The following VPS13B variants were observed in gnomAD, a reference collection of about 807,000 sequenced individuals.
VPS13B encodes the protein vacuolar protein sorting 13 homolog B.
VPS13B carries 285 observed loss-of-function variants against 426.4 expected under a neutral mutation model. The observed-to-expected ratio is 0.67, with a 90% confidence interval of 0.61 to 0.74. The LOEUF (loss-of-function observed/expected upper bound fraction) is 0.74. Among genes scored for constraint, VPS13B ranks in the 30% least tolerant of loss-of-function variants. VPS13B has a pLI of 0.00. For synonymous variants in VPS13B, 1,676 were observed against 1,676.4 expected (o/e 1.00, Z 0.01); for missense variants, 4,537 against 4,782.6 (o/e 0.95, Z 1.51).
chr8:99,717,412 A>G, intron 37 of VPS13B, 39 bp downstream of exon 37: 3 of 1,547,150 alleles, frequency 1.9e-6, no homozygotes, highest in Non-Finnish European at 2.7e-6. Context: ...ATAGGTTATT[A>G]ACTAGCCTCT....
chr8:99,611,980 C>G (rs558751812), intron 33 of VPS13B, among the ~76,000 whole-genome samples: 1 of 152,100 alleles, frequency 6.6e-6, no homozygotes, highest in Non-Finnish European at 1.5e-5. Context: ...TTAGCCCTCT[C>G]TATAACTCCA....
intron 25 of VPS13B, among the ~76,000 whole-genome samples, chr8:99,487,147 A>G (rs979633310): frequency 2.0e-5 from 3 of 151,832 alleles, no homozygotes; most frequent in African/African-American, 7.3e-5. Flanking sequence ...AAATCCATTC[A>G]TATTGTTCAC....
chr8:99,482,886 C>T (rs767556491), intron 25 of VPS13B, among the ~76,000 whole-genome samples: 11 of 152,064 alleles, frequency 7.2e-5, no homozygotes, highest in Admixed American at 2.0e-4. Context: ...GATACACAAA[C>T]ATTGAGTCAA....
chr8:99,612,443 T>C (rs1346871791), intron 33 of VPS13B, among the ~76,000 whole-genome samples: 1 of 152,218 alleles, frequency 6.6e-6, no homozygotes. Flanking sequence ...CTTACTACTA[T>C]GCCACAATAC....
chr8:99,314,416 G>T (rs1212141440), intron 19 of VPS13B, among the ~76,000 whole-genome samples: 1 of 152,090 alleles, frequency 6.6e-6, no homozygotes, highest in East Asian at 1.9e-4. Context: ...GAAATGTTCT[G>T]TAAATGTTTG....
At chr8:99,082,092 T>C (rs533258313) in intron 3 of VPS13B, among the ~76,000 whole-genome samples, 7 of 152,298 alleles carry the variant, frequency 4.6e-5, no homozygotes, top group Non-Finnish European at 1.0e-4. Context: ...TGTAAAAGTG[T>C]TCCTGTTTCT....
chr8:99,634,344 C>T (rs1300080392), intron 33 of VPS13B, among the ~76,000 whole-genome samples: 1 of 151,980 alleles, frequency 6.6e-6, no homozygotes, highest in Non-Finnish European at 1.5e-5. Flanking sequence ...AGACCAAACA[C>T]AGACTGCAGT....
intron 3 of VPS13B, among the ~76,000 whole-genome samples, chr8:99,059,441 G>A (rs1307695583): frequency 1.3e-5 from 2 of 152,104 alleles, no homozygotes; most frequent in African/African-American, 2.4e-5. Context: ...CTCCCAAACT[G>A]CTGGGATTAC....
intron 21 of VPS13B, among the ~76,000 whole-genome samples, chr8:99,415,661 A>C (rs1409337451): frequency 6.6e-6 from 1 of 152,206 alleles, no homozygotes; most frequent in Non-Finnish European, 1.5e-5. Flanking sequence ...TCCTTATAAC[A>C]GTCAGGCTGC....
At chr8:99,069,189 T>C (rs930084661) in intron 3 of VPS13B, among the ~76,000 whole-genome samples, 3 of 152,154 alleles carry the variant, frequency 2.0e-5, no homozygotes, top group African/African-American at 4.8e-5. Flanking sequence ...TCCCTGCACA[T>C]TGGGAGCCTG....
Position 99,875,950 on chromosome 8 carries a change from A to T in VPS13B, c.*284A>T. On this transcript the variant is annotated 3_prime_UTR_variant, in exon 62 of 62. Transcript: ENST00000357162. The stretch of plus-strand genomic sequence containing the variant: ...TTATTTACATCCTTACCTCTAAAAG[A>T]TACTTCAAAGTGACAAAAACGTGTT... 2.2e-6 allele frequency: 1 copy of T among 453,356 alleles called. No individual in the cohort carries two copies. The highest frequency in any genetic ancestry group is 4.0e-6 in the Non-Finnish European group (1 of 248,744). 28.1% of individuals were successfully genotyped at this position (453,356 alleles called of 1,614,324 possible).
chr8:99,252,275 T>A (rs1336518123), intron 17 of VPS13B, among the ~76,000 whole-genome samples: 1 of 152,012 alleles, frequency 6.6e-6, no homozygotes, highest in Non-Finnish European at 1.5e-5. Context: ...TTCATTCAAT[T>A]TTTTTCTTCT....
chr8:99,872,919 T>C (rs1004752124), intron 61 of VPS13B, among the ~76,000 whole-genome samples: 4 of 152,162 alleles, frequency 2.6e-5, no homozygotes, highest in African/African-American at 4.8e-5. Context: ...ATCATGATCA[T>C]AGTCAGGCTT....
At chr8:99,583,119 G>A (rs1826156278) in intron 33 of VPS13B, among the ~76,000 whole-genome samples, 1 of 152,048 alleles carries the variant, frequency 6.6e-6, no homozygotes, top group Non-Finnish European at 1.5e-5. Context: ...TTTCCCCCCA[G>A]AGCCATTTTT....
intron 25 of VPS13B, among the ~76,000 whole-genome samples, chr8:99,484,577 A>G (rs1588427123): frequency 1.3e-5 from 2 of 152,294 alleles, no homozygotes; most frequent in East Asian, 1.9e-4. Flanking sequence ...GTTATTCACT[A>G]TTGAAGCTAC....
chr8:99,387,456 C>G (rs1289360942), intron 20 of VPS13B, among the ~76,000 whole-genome samples: 1 of 152,028 alleles, frequency 6.6e-6, no homozygotes, highest in Non-Finnish European at 1.5e-5. Context: ...CTCCTAGGTT[C>G]AAGTCATCTA....
intron 7 of VPS13B, among the ~76,000 whole-genome samples, chr8:99,117,696 A>G (rs1460996962): frequency 6.6e-6 from 1 of 152,244 alleles, no homozygotes; most frequent in Non-Finnish European, 1.5e-5. Flanking sequence ...CAGTCAAAAG[A>G]TAATACATAT....
chr8:99,331,352 G>C (rs1810531942), intron 19 of VPS13B, among the ~76,000 whole-genome samples: 1 of 151,708 alleles, frequency 6.6e-6, no homozygotes, highest in Non-Finnish European at 1.5e-5. Context: ...TACATTGACA[G>C]GTAAATGACC....
chr8:99,260,492 T>C (rs1325271383), intron 17 of VPS13B, among the ~76,000 whole-genome samples: 1 of 152,074 alleles, frequency 6.6e-6, no homozygotes, highest in Non-Finnish European at 1.5e-5. Context: ...TGCCAACATA[T>C]ATGTTAATAA....
Sources: allele counts gnomAD v4.1 joint callset (sites outside exome capture counted in the v4.1 genomes callset), GRCh38; gene constraint gnomAD v4.1.1; transcripts MANE v1.5; gene names NCBI Gene and HGNC (gene_info 2026-07-23, HGNC 2026-07-21).